Variants in GREM2 observed in about 807,000 individuals in gnomAD.
The protein encoded by GREM2 is gremlin 2, DAN family BMP antagonist, also known as gremlin-2.
A neutral mutation model predicts 14.2 loss-of-function variants in GREM2; 11 were observed. The ratio of observed to expected loss-of-function variants is 0.78; its 90% CI spans 0.49 to 1.28. The LOEUF (loss-of-function observed/expected upper bound fraction) is 1.28. GREM2 is among the 50% of genes most tolerant of loss of function. GREM2 has a pLI of 0.00. For synonymous variants in GREM2, 98 were observed against 97.6 expected (o/e 1.00, Z -0.02); for missense variants, 210 against 218.5 (o/e 0.96, Z 0.24).
chr1:240,512,946 T>C (rs1677865804), intron 1 of GREM2, among the ~76,000 whole-genome samples: 1 of 152,228 alleles, frequency 6.6e-6, no homozygotes, highest in South Asian at 2.1e-4. Flanking sequence ...GAGCCTACTA[T>C]GTGCCAGGTG....
intron 1 of GREM2, among the ~76,000 whole-genome samples, chr1:240,536,559 A>G (rs1286713169): frequency 1.3e-5 from 2 of 152,208 alleles, no homozygotes; most frequent in Admixed American, 1.3e-4. Context: ...TGTGAAAAAT[A>G]TGGGTCAGGA....
At chr1:240,522,784 A>C (rs950709458) in intron 1 of GREM2, among the ~76,000 whole-genome samples, 3 of 152,202 alleles carry the variant, frequency 2.0e-5, no homozygotes, top group African/African-American at 7.2e-5. Context: ...AGAACACTTC[A>C]TCTATCTCGA....
intron 1 of GREM2, among the ~76,000 whole-genome samples, chr1:240,597,684 G>A (rs1034507899): frequency 2.0e-5 from 3 of 152,190 alleles, no homozygotes; most frequent in African/African-American, 7.2e-5. Context: ...CTCAATAAAT[G>A]TTTGTTGAAT....
chr1:240,528,172 T>C (rs928993330), intron 1 of GREM2, among the ~76,000 whole-genome samples: 1 of 152,152 alleles, frequency 6.6e-6, no homozygotes, highest in African/African-American at 2.4e-5. Context: ...AGACAGAGGG[T>C]CACAGAAGTT....
At chr1:240,571,759 T>C (rs1270958399) in intron 1 of GREM2, among the ~76,000 whole-genome samples, 5 of 152,084 alleles carry the variant, frequency 3.3e-5, no homozygotes, top group Admixed American at 3.3e-4. Context: ...CTGGCATGTA[T>C]GGTAATTCTT....
At chr1:240,610,509 AAAAC>A (rs928269038) in intron 1 of GREM2, among the ~76,000 whole-genome samples, 18 of 152,324 alleles carry the variant, frequency 1.2e-4, no homozygotes, top group East Asian at 3.9e-4. Flanking sequence ...TAAGAAACAA[AAAAC>A]AAACAAACAA....
At chr1:240,545,795 A>G (rs1479628536) in intron 1 of GREM2, among the ~76,000 whole-genome samples, 5 of 152,220 alleles carry the variant, frequency 3.3e-5, no homozygotes, top group Non-Finnish European at 5.9e-5. Context: ...TGACAGTCGA[A>G]GAGGAAGAGC....
chr1:240,572,213 G>C (rs1268049444), intron 1 of GREM2, among the ~76,000 whole-genome samples: 1 of 152,056 alleles, frequency 6.6e-6, no homozygotes, highest in Non-Finnish European at 1.5e-5. Flanking sequence ...AGATGTGTTC[G>C]TGTCTGAATA....
intron 1 of GREM2, among the ~76,000 whole-genome samples, chr1:240,531,049 T>C (rs191351937): frequency 6.6e-6 from 1 of 152,332 alleles, no homozygotes; most frequent in African/African-American, 2.4e-5. Flanking sequence ...TTCTGTTAAA[T>C]CTTCAATCAG....
At chr1:240,546,085 A>G (rs12072828) in intron 1 of GREM2, among the ~76,000 whole-genome samples, 30,966 of 152,148 alleles carry the variant, frequency 0.2, 4,511 homozygotes, top group African/African-American at 0.41. Flanking sequence ...CTGTAATCCC[A>G]GCACTTTGGG....
rs2103321246 is a variant in GREM2 at position 240,536,741 on chromosome 1, G to GCAGGGGC, written c.-1-43266_-1-43265insGCCCCTG. 2.4e-5 allele frequency among the ~76,000 whole-genome samples: 3 copies of GCAGGGGC among 125,792 alleles called. No homozygotes were observed. The South Asian group carries it at 7.1e-4, about 30-fold the overall frequency. 82.5% of individuals were successfully genotyped at this position (125,792 alleles called of 152,430 possible). ...CTGTAGAGTTTAAGACAAAATGGCA[G>GCAGGGGC]TGGGGGCTGTAGATCTGGAAGCCAT... On this transcript the variant is annotated intron_variant, in intron 1 of 1. Transcript: ENST00000318160.
rs1040204540 is a variant in GREM2 at position 240,543,610 on chromosome 1, T to C, written c.-1-50134A>G. Among the ~76,000 whole-genome samples, 6 of 152,116 alleles carry C rather than the reference T, an allele frequency of 3.9e-5. No homozygotes were observed. The highest frequency in any genetic ancestry group is 1.4e-4 in the African/African-American group (6 of 41,426). On this transcript the variant is annotated intron_variant, in intron 1 of 1. Coordinates refer to ENST00000318160, the MANE Select transcript of GREM2 (RefSeq NM_022469.4). This position sits in a 1 kb window ranked among gnomAD's most constrained non-coding sequence, Gnocchi z 6.4. The stretch of plus-strand genomic sequence containing the variant: ...GGGGACACAGCCAAACCATACCAGG[T>C]AAGGAGTCTAACAATTCCCACAAAA...
rs1678657507 is a variant in GREM2 at position 240,543,956 on chromosome 1, C to T, written c.-1-50480G>A. Among the ~76,000 whole-genome samples, 1 of 152,156 alleles carries T rather than the reference C, an allele frequency of 6.6e-6. No homozygotes were observed. Among genetic ancestry groups the T allele is most frequent in the Non-Finnish European group, 1.5e-5 (1 of 68,026 alleles). ...TGGGTTCCACATTCATGGGTTCAACCAACCTCAGATCAAAAATATTAAGGA... is the reference window on the plus strand; with the variant it reads ...TGGGTTCCACATTCATGGGTTCAACTAACCTCAGATCAAAAATATTAAGGA... On this transcript the variant is annotated intron_variant, in intron 1 of 1. Coordinates refer to ENST00000318160, the MANE Select transcript of GREM2 (RefSeq NM_022469.4). The surrounding 1 kb of genome is among the most constrained non-coding windows in gnomAD (Gnocchi z 6.4).
At chr1:240,583,290 A>T (rs1306538603) in intron 1 of GREM2, among the ~76,000 whole-genome samples, 1 of 152,216 alleles carries the variant, frequency 6.6e-6, no homozygotes, top group Non-Finnish European at 1.5e-5. Flanking sequence ...GCCCAAGGAG[A>T]CATCTAAATT....
intron 1 of GREM2, among the ~76,000 whole-genome samples, chr1:240,563,589 C>T (rs1398525877): frequency 6.6e-6 from 1 of 152,124 alleles, no homozygotes; most frequent in African/African-American, 2.4e-5. Context: ...GTCAACGGCA[C>T]CCATCCATGG....
chr1:240,537,947 T>C (rs2103322600), intron 1 of GREM2, among the ~76,000 whole-genome samples: 1 of 152,360 alleles, frequency 6.6e-6, no homozygotes, highest in South Asian at 2.1e-4. Flanking sequence ...TTGCTTCAGA[T>C]CTTGAACCCT....
intron 1 of GREM2, among the ~76,000 whole-genome samples, chr1:240,518,169 A>G (rs916554750): frequency 2.6e-5 from 4 of 152,200 alleles, no homozygotes; most frequent in Middle Eastern, 3.2e-3. Flanking sequence ...GCAAAATTTC[A>G]TAATTCCTGC....
chr1:240,582,203 C>T (rs4500301), intron 1 of GREM2, among the ~76,000 whole-genome samples: 44,632 of 152,120 alleles, frequency 0.29, 7,878 homozygotes, highest in African/African-American at 0.5. Context: ...TTTGGGAGGC[C>T]AAGGCGGGTG....
intron 1 of GREM2, among the ~76,000 whole-genome samples, chr1:240,500,276 A>C (rs143309159): frequency 6.6e-6 from 1 of 151,698 alleles, no homozygotes; most frequent in Non-Finnish European, 1.5e-5. Context: ...TCTGTGTATC[A>C]GAGTATGTTT....
Sources: allele counts gnomAD v4.1 joint callset (sites outside exome capture counted in the v4.1 genomes callset), GRCh38; gene constraint gnomAD v4.1.1; non-coding constraint Gnocchi (gnomAD v3.1); transcripts MANE v1.5; gene names NCBI Gene and HGNC (gene_info 2026-07-23, HGNC 2026-07-21).